The following CREBBP variants were observed in gnomAD, a reference collection of about 807,000 sequenced individuals.
CREBBP encodes the protein CREB-binding protein.
CREBBP carries 19 observed loss-of-function variants against 265.0 expected under a neutral mutation model. The ratio of observed to expected loss-of-function variants is 0.07; its 90% CI spans 0.05 to 0.11. CREBBP has a LOEUF of 0.11. Among genes scored for constraint, CREBBP ranks in the 10% least tolerant of loss-of-function variants. The probability of loss-of-function intolerance (pLI) is 1.00; values close to 1 mark genes in which losing one functional copy is unlikely to be tolerated. For missense variants in CREBBP, 2,525 were observed against 3,219.0 expected, an observed-to-expected ratio of 0.78 and a Z score of 5.22; for synonymous variants, 1,457 against 1,223.7, an observed-to-expected ratio of 1.19 and a Z score of -3.98.
chr16:3,855,661 A>G (rs2054946263), intron 1 of CREBBP, among the ~76,000 whole-genome samples: 1 of 152,198 alleles, frequency 6.6e-6, no homozygotes, highest in South Asian at 2.1e-4. Context: ...GTCATTTTGA[A>G]GAGAAAGGAA....
At chr16:3,852,077 A>AATGTATG (rs2054857293) in intron 1 of CREBBP, among the ~76,000 whole-genome samples, 1 of 116,420 alleles carries the variant, frequency 8.6e-6, no homozygotes, top group South Asian at 2.7e-4. Context: ...AAAAAAAAAG[A>AATGTATG]ATGTATGTGT....
At chr16:3,754,064 G>C (rs1567284344) in intron 19 of CREBBP, among the ~76,000 whole-genome samples, 1 of 152,146 alleles carries the variant, frequency 6.6e-6, no homozygotes, top group Non-Finnish European at 1.5e-5. Context: ...CTGGGAAACT[G>C]AGGCTCTTCC....
Position 3,826,461 on chromosome 16 carries a change from G to C in CREBBP, c.799-15682C>G, listed in dbSNP as rs998596630. Among the ~76,000 whole-genome samples, 5 of 152,152 alleles carry C rather than the reference G, an allele frequency of 3.3e-5. No homozygotes were observed. The South Asian group carries it at 6.2e-4, about 19-fold the overall frequency. The stretch of plus-strand genomic sequence containing the variant: ...GGAGCATTACAGTGGAGAAACCTGA[G>C]AGGCACGACCTCAACCAGGTGGCTG... On this transcript the variant is annotated intron_variant, in intron 2 of 30. Coordinates refer to ENST00000262367, the MANE Select transcript of CREBBP (RefSeq NM_004380.3).
chr16:3,810,813 G>T, intron 2 of CREBBP, 34 bp from the exon 3 acceptor site: 1 of 1,608,462 alleles, frequency 6.2e-7, no homozygotes, highest in South Asian at 1.1e-5. Flanking sequence ...CAGCTGTGGT[G>T]ACGCAGTCAA....
chr16:3,769,092 T>C (rs1471405720), intron 15 of CREBBP, 82 bp downstream of exon 15: 5 of 1,490,768 alleles, frequency 3.4e-6, no homozygotes, highest in Non-Finnish European at 3.7e-6. Flanking sequence ...GGGATACCCA[T>C]GGCAGGCTCC....
chr16:3,875,300 A>G (rs1488452980), intron 1 of CREBBP, among the ~76,000 whole-genome samples: 3 of 152,044 alleles, frequency 2.0e-5, no homozygotes, highest in African/African-American at 7.2e-5. Flanking sequence ...CACCGCTCTC[A>G]CCCCTCTCAG....
chr16:3,842,171 G>A (rs768616947), intron 2 of CREBBP, among the ~76,000 whole-genome samples: 1 of 152,148 alleles, frequency 6.6e-6, no homozygotes, highest in South Asian at 2.1e-4. Flanking sequence ...TTTTGGTCAC[G>A]TTTCAGATTT....
chr16:3,787,190 C>T (rs1304051211), intron 5 of CREBBP, among the ~76,000 whole-genome samples: 1 of 152,230 alleles, frequency 6.6e-6, no homozygotes, highest in Admixed American at 6.5e-5. Flanking sequence ...TGGCACCTTC[C>T]TATGCACTGC....
At position 3,850,798 on chromosome 16, in the gene CREBBP, C is replaced by G; in HGVS notation, c.297G>C (p.Leu99=). ...VSASSPVQQG[L]GGQAQGQPNS... ...TCGGCTGCCCTTGAGCCTGGCCACC[C>G]AGGCCCTGCTGCACGGGGCTGCTGG... The change falls in exon 2 of 31, where the codon CTG becomes CTC. Residue 99 remains leucine (L), a synonymous_variant. Coordinates refer to ENST00000262367, the MANE Select transcript of CREBBP (RefSeq NM_004380.3). 1 of 1,614,162 alleles carries G rather than the reference C, an allele frequency of 6.2e-7. No homozygotes were observed. Among genetic ancestry groups the G allele is most frequent in the Non-Finnish European group, 8.5e-7 (1 of 1,180,044 alleles).
chr16:3,746,215 A>T (rs1228329440), intron 21 of CREBBP, among the ~76,000 whole-genome samples: 1 of 152,020 alleles, frequency 6.6e-6, no homozygotes, highest in Non-Finnish European at 1.5e-5. Context: ...AGCTCCTCTA[A>T]AGTGTGCCCC....
chr16:3,797,558 T>C (rs1280806394), intron 3 of CREBBP, among the ~76,000 whole-genome samples: 1 of 152,124 alleles, frequency 6.6e-6, no homozygotes, highest in Non-Finnish European at 1.5e-5. Context: ...AATAGAACCA[T>C]TACTAACAAT....
At chr16:3,791,813 G>T (rs1013106430) in intron 5 of CREBBP, among the ~76,000 whole-genome samples, 168 bp downstream of exon 5, 1 of 152,202 alleles carries the variant, frequency 6.6e-6, no homozygotes, top group South Asian at 2.1e-4. Context: ...GACACGGAGA[G>T]CCCGCCTGCC....
chr16:3,779,000 C>G (rs2053210848), intron 8 of CREBBP, among the ~76,000 whole-genome samples, 183 bp from the exon 9 acceptor site: 1 of 151,982 alleles, frequency 6.6e-6, no homozygotes. Context: ...AATCCCGTCT[C>G]TACTAAAAAT....
At position 3,726,242 on chromosome 16, in the gene CREBBP, G is replaced by GT. The variant is rs960332016; in HGVS notation, c.*1475_*1476insA. The GT allele has an allele frequency of 8.6e-6, 2 of 232,194 alleles. No homozygotes were observed. Among genetic ancestry groups the GT allele is most frequent in the African/African-American group, 2.2e-5 (1 of 45,006 alleles). The allele number at this position is 232,194 out of a possible 1,614,324, so 14.4% of individuals were successfully genotyped here. A position where few individuals can be genotyped will look rare whatever the true frequency, so the allele number is the denominator to read the frequency against. The stretch of plus-strand genomic sequence containing the variant: ...CTCAGATTCTGGGAGTCGTGTACGG[G>GT]GGGGGGGAGCCGCCTGAACACGGGA... On this transcript the variant is annotated 3_prime_UTR_variant, in exon 31 of 31. Coordinates refer to ENST00000262367, the MANE Select transcript of CREBBP (RefSeq NM_004380.3).
intron 19 of CREBBP, among the ~76,000 whole-genome samples, chr16:3,756,895 T>C (rs1456391936): frequency 1.3e-5 from 2 of 152,160 alleles, no homozygotes; most frequent in East Asian, 3.8e-4. Flanking sequence ...GCTGAAGAAA[T>C]AACGTACCTA....
intron 21 of CREBBP, among the ~76,000 whole-genome samples, chr16:3,747,436 A>G (rs2052367852): frequency 6.6e-6 from 1 of 152,174 alleles, no homozygotes; most frequent in Non-Finnish European, 1.5e-5. Flanking sequence ...TGCAGCTTCA[A>G]TGTAAATGTC....
At position 3,728,386 on chromosome 16, in the gene CREBBP, T is replaced by C. The variant is rs200716582; in HGVS notation, c.6661A>G (p.Met2221Val). 1.2e-6 allele frequency: 2 copies of C among 1,613,644 alleles called. No individual in the cohort carries two copies. Among genetic ancestry groups the C allele is most frequent in the East Asian group, 2.2e-5 (1 of 44,868 alleles). Residue 2221 changes from methionine to valine, a missense_variant, in exon 31 of 31, where the codon ATG becomes GTG. By Grantham distance (21) the Met-to-Val change is conservative. Coordinates refer to ENST00000262367, the MANE Select transcript of CREBBP (RefSeq NM_004380.3). This position sits in a 1 kb window ranked among gnomAD's most constrained non-coding sequence, Gnocchi z 8.7. ...QQQQQQGSAG[M>V]AGGMAGHGQF... ...CCGTGCCCCGCCATGCCCCCAGCCA[T>C]GCCGGCACTCCCTTGCTGCTGCTGC...
At chr16:3,836,433 CAAA>C (rs564007443) in intron 2 of CREBBP, among the ~76,000 whole-genome samples, 3 of 53,892 alleles carry the variant, frequency 5.6e-5, no homozygotes, top group Admixed American at 2.1e-4. Context: ...GACTGTGTCT[CAAA>C]AAAAAAAAAA....
chr16:3,772,397 C>A (rs1424440044), intron 13 of CREBBP, among the ~76,000 whole-genome samples: 1 of 151,114 alleles, frequency 6.6e-6, no homozygotes, highest in African/African-American at 2.4e-5. Context: ...TGTTTCAGTG[C>A]AGTGGTTCTA....
Sources: gnomAD v4.1 joint callset for allele counts (sites outside exome capture counted in the v4.1 genomes callset) on GRCh38, gnomAD v4.1.1 for gene constraint, Gnocchi (gnomAD v3.1) non-coding constraint, MANE v1.5 for transcripts, NCBI Gene and HGNC (gene_info 2026-07-23, HGNC 2026-07-21) for gene names.